Variants in FGF13 observed in about 807,000 individuals in gnomAD.
FGF13 encodes fibroblast growth factor homologous factor 2.
A neutral mutation model predicts 19.5 loss-of-function variants in FGF13; 2 were observed. The ratio of observed to expected loss-of-function variants is 0.10; its 90% CI spans 0.04 to 0.32. The LOEUF is 0.32. Ranked by LOEUF, FGF13 falls within the 10% of genes least tolerant of loss-of-function variation. FGF13 has a pLI of 1.00. For missense variants in FGF13, 113 were observed against 192.7 expected (o/e 0.59, Z 2.45); for synonymous variants, 72 against 76.9 (o/e 0.94, Z 0.33).
At chrX:138,850,751 C>T (rs189430507) in intron 3 of FGF13, among the ~76,000 whole-genome samples, 114 of 112,154 alleles carry the variant, frequency 1.0e-3, no homozygotes, top group African/African-American at 2.9e-3. Context: ...TTTTAAGTTC[C>T]GGTGTACATG....
intron 3 of FGF13, among the ~76,000 whole-genome samples, chrX:138,800,399 G>T (rs1231943911): frequency 9.0e-6 from 1 of 111,622 alleles, no homozygotes; most frequent in African/African-American, 3.3e-5. Context: ...TTGAATATTG[G>T]ACCCCACTCT....
chrX:138,618,091 C>T lies in FGF13; in HGVS notation c.*14759G>A, dbSNP rs1368915065. On this transcript the variant is annotated 3_prime_UTR_variant, in exon 5 of 5. Coordinates refer to ENST00000315930, the MANE Select transcript of FGF13 (RefSeq NM_004114.5). ...AGCAAGATGGCAGAACAGGAATTTT[C>T]TCCTGTCATTTCCCCACTATCTACA... 2.7e-5 allele frequency: 3 copies of T among 112,193 alleles called. No individual in the cohort carries two copies. Among genetic ancestry groups the T allele is most frequent in the African/African-American group, 6.5e-5 (2 of 30,867 alleles). 9.2% of individuals were successfully genotyped at this position (112,193 alleles called of 1,213,427 possible).
At chrX:138,949,658 T>C (rs1030001307) in intron 1 of FGF13, among the ~76,000 whole-genome samples, 1 of 111,830 alleles carries the variant, frequency 8.9e-6, no homozygotes, top group East Asian at 2.8e-4. Flanking sequence ...GATGGATATA[T>C]GTTTAGCAGA....
chrX:138,778,397 G>A (rs1175705978), intron 3 of FGF13, among the ~76,000 whole-genome samples: 3 of 111,839 alleles, frequency 2.7e-5, no homozygotes, highest in Non-Finnish European at 5.6e-5. Flanking sequence ...ACTTCCATCT[G>A]AGGTACCGGG....
At chrX:139,043,877 G>A (rs916819530) in intron 1 of FGF13, among the ~76,000 whole-genome samples, 1 of 112,031 alleles carries the variant, frequency 8.9e-6, no homozygotes, top group Non-Finnish European at 1.9e-5. Context: ...ACAAGGCAAC[G>A]TATTACATGA....
At chrX:139,176,357 T>C (rs1284706230) in intron 1 of FGF13, among the ~76,000 whole-genome samples, 1 of 109,250 alleles carries the variant, frequency 9.2e-6, no homozygotes, top group East Asian at 2.9e-4. Flanking sequence ...AATCAGCTCC[T>C]GGATTCACTG....
chrX:138,759,423 T>C (rs2090451468), intron 3 of FGF13, among the ~76,000 whole-genome samples: 1 of 112,511 alleles, frequency 8.9e-6, no homozygotes, highest in South Asian at 3.7e-4. Context: ...ACCTCAAGTG[T>C]GCTTTTCTCA....
chrX:138,861,096 T>C (rs934428820), intron 2 of FGF13, among the ~76,000 whole-genome samples: 11 of 112,481 alleles, frequency 9.8e-5, no homozygotes, highest in African/African-American at 3.6e-4. Flanking sequence ...CAAATGTTTT[T>C]CCATTGACTA....
upstream of FGF13, among the ~76,000 whole-genome samples, chrX:138,744,029 G>A (rs758079190): frequency 8.1e-5 from 9 of 111,112 alleles, no homozygotes; most frequent in Admixed American, 2.9e-4. Flanking sequence ...GAAGTCTATC[G>A]CAATTGCCCA....
intron 1 of FGF13, among the ~76,000 whole-genome samples, chrX:139,170,299 C>T (rs970078201): frequency 2.7e-5 from 3 of 111,372 alleles, no homozygotes; most frequent in African/African-American, 9.8e-5. Flanking sequence ...AATGCATCCT[C>T]CTCACCACTG....
intron 3 of FGF13, among the ~76,000 whole-genome samples, chrX:138,831,907 C>A (rs2091076955): frequency 9.0e-6 from 1 of 111,688 alleles, no homozygotes; most frequent in Non-Finnish European, 1.9e-5. Context: ...TTAGCTCCCA[C>A]TTATAAGTGA....
chrX:138,856,813 A>C (rs1445604500), downstream of FGF13, among the ~76,000 whole-genome samples: 1 of 112,334 alleles, frequency 8.9e-6, no homozygotes, highest in Non-Finnish European at 1.9e-5. Context: ...GAAACAATGA[A>C]TAAATACCAT....
At chrX:139,065,071 C>G (rs749756274) in intron 1 of FGF13, among the ~76,000 whole-genome samples, 1 of 110,641 alleles carries the variant, frequency 9.0e-6, no homozygotes, top group East Asian at 2.9e-4. Context: ...AGCAATTCCT[C>G]TAACTTTTTT....
At chrX:138,933,672 A>G (rs770178439) in intron 1 of FGF13, among the ~76,000 whole-genome samples, 37 of 73,739 alleles carry the variant, frequency 5.0e-4, no homozygotes, top group African/African-American at 1.2e-3. Context: ...TGGCTTCCGA[A>G]TTGGTCTTTA....
intron 3 of FGF13, among the ~76,000 whole-genome samples, chrX:138,744,565 C>A (rs1291538187): frequency 1.8e-5 from 2 of 111,604 alleles, no homozygotes; most frequent in African/African-American, 6.5e-5. Flanking sequence ...CTTGCCCATT[C>A]ACTTGTCTCT....
intron 1 of FGF13, among the ~76,000 whole-genome samples, chrX:139,089,531 G>A (rs938334613): frequency 2.7e-5 from 3 of 111,282 alleles, no homozygotes; most frequent in African/African-American, 9.8e-5. Context: ...ATGGTTATGG[G>A]CTGATATAAA....
chrX:138,985,998 G>A (rs766080838), intron 1 of FGF13, among the ~76,000 whole-genome samples: 87 of 111,457 alleles, frequency 7.8e-4, no homozygotes, highest in African/African-American at 2.8e-3. Flanking sequence ...GTTTATAATC[G>A]ACTGTTGAAT....
intron 1 of FGF13, among the ~76,000 whole-genome samples, chrX:138,887,959 G>C (rs1394354252): frequency 3.6e-5 from 4 of 111,698 alleles, no homozygotes; most frequent in Non-Finnish European, 7.5e-5. Flanking sequence ...CAGCTCAAAA[G>C]GCCCTTTCTC....
rs1359232213 is a variant in FGF13, at chrX:138,878,398, G to A, written c.-112-13748C>T. On this transcript the variant is annotated intron_variant, in intron 1 of 2. Coordinates refer to the FGF13 transcript ENST00000421460. ...TTCCCACCTATGAGTGAGAACATGC[G>A]GTGTTTGGTTTTTTGTCCTTGCGAT... 9.9e-5 allele frequency among the ~76,000 whole-genome samples: 10 copies of A among 100,692 alleles called. No individual in the cohort carries two copies. In the East Asian group the frequency reaches 3.3e-3, roughly 33 times the overall value. The allele number at this position is 100,692 out of a possible 115,157, so 87.4% of individuals were successfully genotyped here. A position where few individuals can be genotyped will look rare whatever the true frequency, so the allele number is the denominator to read the frequency against.
Sources: allele counts gnomAD v4.1 joint callset (sites outside exome capture counted in the v4.1 genomes callset), GRCh38; gene constraint gnomAD v4.1.1; transcripts MANE v1.5; gene names NCBI Gene and HGNC (gene_info 2026-07-23, HGNC 2026-07-21).